Variants in CTNNA2 observed in about 807,000 individuals in gnomAD.
CTNNA2 encodes catenin alpha-2.
Under a neutral mutation model 101.0 loss-of-function variants are expected in CTNNA2, and 42 were observed. The observed-to-expected ratio is 0.42, with a 90% CI of 0.32 to 0.54. The LOEUF (loss-of-function observed/expected upper bound fraction) is 0.54, where lower values mean the gene tolerates loss of function less well. CTNNA2 is among the 20% of genes least tolerant of loss of function. The pLI is 0.14. For synonymous variants in CTNNA2, 450 were observed against 456.4 expected (o/e 0.99, Z 0.18); for missense variants, 871 against 1,223.1 (o/e 0.71, Z 4.29).
At chr2:79,717,233 T>G (rs1341662308) in intron 2 of CTNNA2, among the ~76,000 whole-genome samples, 1 of 152,190 alleles carries the variant, frequency 6.6e-6, no homozygotes, top group East Asian at 1.9e-4. Flanking sequence ...AAGTAAACAT[T>G]CATTGGATGG....
At chr2:79,684,007 A>G (rs1033084480) in intron 2 of CTNNA2, among the ~76,000 whole-genome samples, 9 of 152,260 alleles carry the variant, frequency 5.9e-5, no homozygotes, top group Admixed American at 5.9e-4. Context: ...TTCCTACTCC[A>G]TACCACTGAA....
chr2:80,584,535 A>G (rs1299138703), intron 14 of CTNNA2, among the ~76,000 whole-genome samples: 1 of 151,944 alleles, frequency 6.6e-6, no homozygotes, highest in Admixed American at 6.6e-5. Flanking sequence ...TAGACATGAC[A>G]TAATATAAAC....
At chr2:80,565,551 T>A (rs919533360) in intron 12 of CTNNA2, among the ~76,000 whole-genome samples, 1 of 151,732 alleles carries the variant, frequency 6.6e-6, no homozygotes. Flanking sequence ...AATCGTGTGG[T>A]TGTACCTCCA....
At chr2:79,220,176 G>GTA (rs751190259) in intron 2 of CTNNA2, among the ~76,000 whole-genome samples, 336 of 151,620 alleles carry the variant, frequency 2.2e-3, no homozygotes, top group Middle Eastern at 3.4e-3. Flanking sequence ...GTGTGTGTGT[G>GTA]TATATATATA....
chr2:80,318,259 T>G (rs1678326523), intron 7 of CTNNA2, among the ~76,000 whole-genome samples: 1 of 152,228 alleles, frequency 6.6e-6, no homozygotes, highest in Non-Finnish European at 1.5e-5. Flanking sequence ...AGATGTTACT[T>G]ATCTAAAATT....
At chr2:80,479,041 A>G (rs1685946978) in intron 9 of CTNNA2, among the ~76,000 whole-genome samples, 1 of 151,144 alleles carries the variant, frequency 6.6e-6, no homozygotes, top group South Asian at 2.1e-4. Context: ...TGTGTCATCT[A>G]TAATTTCTTT....
chr2:80,360,370 G>T (rs1674285199), intron 7 of CTNNA2, among the ~76,000 whole-genome samples: 1 of 152,056 alleles, frequency 6.6e-6, no homozygotes, highest in African/African-American at 2.4e-5. Flanking sequence ...AGGGTACTTG[G>T]ATTAAAATAA....
chr2:79,774,573 C>CATAG (rs1673827943), intron 3 of CTNNA2, among the ~76,000 whole-genome samples: 1 of 152,100 alleles, frequency 6.6e-6, no homozygotes, highest in Admixed American at 6.5e-5. Context: ...ATTGCATGTA[C>CATAG]ATAGTACTGA....
In CTNNA2 at chr2:80,315,948, C is replaced by T. The variant is rs1331142733; in HGVS notation, c.1057-77263C>T. Among the ~76,000 whole-genome samples, 5 of 152,292 alleles carry T rather than the reference C, an allele frequency of 3.3e-5. No homozygotes were observed. In the East Asian group the frequency reaches 5.8e-4, roughly 18 times the overall value. ...GCAGAATCTCAGGCCCCACCCAAGA[C>T]CCACTGTAACAAATCGGAATCTACA... is the stretch of plus-strand genomic sequence containing the variant. On this transcript the variant is annotated intron_variant, in intron 7 of 18. Transcript: ENST00000402739.
At chr2:80,176,575 G>T (rs766975052) in intron 7 of CTNNA2, among the ~76,000 whole-genome samples, 77 of 152,296 alleles carry the variant, frequency 5.1e-4, no homozygotes, top group Non-Finnish European at 8.8e-4. Context: ...CTGGTGGAGT[G>T]ACACAAACCT....
intron 18 of CTNNA2, among the ~76,000 whole-genome samples, chr2:80,644,125 T>G (rs1475944319): frequency 6.6e-6 from 1 of 152,088 alleles, no homozygotes; most frequent in African/African-American, 2.4e-5. Context: ...TGAGTGGGCC[T>G]TGGAGAGAGA....
At chr2:79,624,267 A>C (rs971003070) in intron 1 of CTNNA2, among the ~76,000 whole-genome samples, 1 of 152,220 alleles carries the variant, frequency 6.6e-6, no homozygotes, top group Non-Finnish European at 1.5e-5. Context: ...ATATTCATTA[A>C]GAAGAGCAAT....
intron 3 of CTNNA2, among the ~76,000 whole-genome samples, chr2:79,746,863 A>G (rs1464780994): frequency 6.6e-6 from 1 of 152,200 alleles, no homozygotes; most frequent in Admixed American, 6.5e-5. Flanking sequence ...ATGCCATACT[A>G]TAAATTAATA....
At chr2:79,725,930 G>A (rs1187907623) in intron 2 of CTNNA2, among the ~76,000 whole-genome samples, 2 of 152,172 alleles carry the variant, frequency 1.3e-5, no homozygotes, top group Non-Finnish European at 2.9e-5. Context: ...ATGTGAATCC[G>A]GCTGTCTGGG....
intron 3 of CTNNA2, among the ~76,000 whole-genome samples, chr2:79,829,038 C>T (rs191876677): frequency 2.6e-5 from 4 of 152,204 alleles, no homozygotes; most frequent in African/African-American, 9.6e-5. Context: ...GTTTTCAAAC[C>T]TACCCCACTC....
intron 7 of CTNNA2, among the ~76,000 whole-genome samples, chr2:80,038,902 T>A (rs2104253646): frequency 6.6e-6 from 1 of 152,242 alleles, no homozygotes; most frequent in South Asian, 2.1e-4. Context: ...TGTATCACTT[T>A]ATCAACACAT....
At chr2:80,568,188 A>G (rs1033394537) in intron 12 of CTNNA2, among the ~76,000 whole-genome samples, 3 of 152,228 alleles carry the variant, frequency 2.0e-5, no homozygotes, top group African/African-American at 4.8e-5. Context: ...GACCAAACCC[A>G]GAATGCCCAC....
At chr2:79,307,723 T>C (rs770344303) in intron 2 of CTNNA2, among the ~76,000 whole-genome samples, 5 of 152,218 alleles carry the variant, frequency 3.3e-5, no homozygotes, top group Non-Finnish European at 7.3e-5. Flanking sequence ...TTCTTTCCTC[T>C]GGATACATGC....
At position 80,204,365 on chromosome 2, in the gene CTNNA2, C is replaced by A. The variant is rs953886981; in HGVS notation, c.1057-188846C>A. 4.4e-4 allele frequency among the ~76,000 whole-genome samples: 67 copies of A among 152,132 alleles called. 3 individuals carry two copies. Among genetic ancestry groups the A allele is most frequent in the Non-Finnish European group, 2.9e-5 (2 of 68,014 alleles). On this transcript the variant is annotated intron_variant, in intron 7 of 18. Transcript: ENST00000402739. ...TTAAAACTGAATGCTTAACAGCACC[C>A]AAGTCACTTCTTGAATGCTTTGCTG...
Sources: allele counts gnomAD v4.1 joint callset (sites outside exome capture counted in the v4.1 genomes callset), GRCh38; gene constraint gnomAD v4.1.1; transcripts MANE v1.5; gene names NCBI Gene and HGNC (gene_info 2026-07-23, HGNC 2026-07-21).